The following RTKN variants were observed in gnomAD, a reference collection of about 807,000 sequenced individuals.
The protein encoded by RTKN is rhotekin.
A neutral mutation model predicts 63.5 loss-of-function variants in RTKN; 49 were observed. The observed-to-expected ratio is 0.77, with a 90% confidence interval of 0.61 to 0.98. The LOEUF is 0.98. Ranked by LOEUF, RTKN falls within the 50% of genes least tolerant of loss-of-function variation. The pLI, the probability that RTKN is intolerant of heterozygous loss-of-function variation, is 0.00. For missense variants in RTKN, 685 were observed against 740.8 expected, an observed-to-expected ratio of 0.92 and a Z score of 0.87; for synonymous variants, 295 against 290.4, an observed-to-expected ratio of 1.02 and a Z score of -0.16.
At chr2:74,441,679 G>T (rs954708349) in intron 1 of RTKN, 27 bp downstream of exon 1, 3 of 1,561,460 alleles carry the variant, frequency 1.9e-6, no homozygotes, top group Admixed American at 1.8e-5. Context: ...GCCGCGGAAG[G>T]GGAAGGCAGG....
In RTKN at chr2:74,430,320, G is replaced by T. The variant is rs1274128167; in HGVS notation, c.477C>A (p.Ile159=). The change falls in exon 5 of 12, where the codon ATC becomes ATA. Residue 159 remains isoleucine (I), a synonymous_variant. Transcript: ENST00000272430. ...VFLLLQLGEH[I]QDTEMILVDR... is the part of the protein sequence containing the mutation. ...CCACTAGGATCATCTCTGTGTCCTG[G>T]ATGTGTTCCCCCAGCTGCAGCAGCA... 6 of 1,614,108 alleles carry T rather than the reference G, an allele frequency of 3.7e-6. No individual in the cohort carries two copies. In the East Asian group the frequency reaches 1.3e-4, roughly 36 times the overall value.
intron 1 of RTKN, among the ~76,000 whole-genome samples, chr2:74,438,474 G>A (rs1671175264): frequency 6.6e-6 from 1 of 152,048 alleles, no homozygotes; most frequent in Non-Finnish European, 1.5e-5. Flanking sequence ...CTTCCCACCA[G>A]CCTATTCTCC....
At chr2:74,432,301 C>T (rs929742830) in intron 2 of RTKN, 166 bp downstream of exon 2, 3 of 764,022 alleles carry the variant, frequency 3.9e-6, no homozygotes, top group Non-Finnish European at 4.6e-6. Context: ...CGCCTCTGGG[C>T]AACACACAGT....
At position 74,437,970 on chromosome 2, in the gene RTKN, A is replaced by G. The variant is rs116034626; in HGVS notation, c.111+3736T>C. On this transcript the variant is annotated intron_variant, in intron 1 of 11. Transcript: ENST00000272430. Reference sequence around the variant, plus strand: ...CACAGTTTATGCCAAGACGGTCCTGAGAAAGATTCTGAGGCCAGGTCTGGG... The same window carrying G: ...CACAGTTTATGCCAAGACGGTCCTGGGAAAGATTCTGAGGCCAGGTCTGGG... Among the ~76,000 whole-genome samples the G allele has an allele frequency of 7.4e-3, 1,132 of 152,346 alleles. 10 individuals carry two copies. The highest frequency in any genetic ancestry group is 0.01 in the Middle Eastern group (3 of 294).
intron 1 of RTKN, among the ~76,000 whole-genome samples, chr2:74,434,891 C>T (rs1670970635): frequency 6.6e-6 from 1 of 152,178 alleles, no homozygotes; most frequent in Non-Finnish European, 1.5e-5. Context: ...TTCTGAGGTA[C>T]ACCCAGGTTG....
rs144677639 is a variant in RTKN at position 74,435,356 on chromosome 2, G to A, written c.112-2690C>T. 1.9e-3 allele frequency among the ~76,000 whole-genome samples: 297 copies of A among 152,334 alleles called. 1 individual carries two copies. Among genetic ancestry groups the A allele is most frequent in the African/African-American group, 6.9e-3 (287 of 41,572 alleles). ...GGGCTGTGAGAATTCTGTGAGGCAG[G>A]AACTTAAAGCACTTAGCACAGTGCC... On this transcript the variant is annotated intron_variant, in intron 1 of 11. Transcript: ENST00000272430.
At chr2:74,432,946 TA>T (rs1198421873) in intron 1 of RTKN, among the ~76,000 whole-genome samples, 1 of 151,806 alleles carries the variant, frequency 6.6e-6, no homozygotes, top group African/African-American at 2.4e-5. Context: ...ACCCCACCTC[TA>T]AAAAAATATA....
At chr2:74,431,019 C>G in intron 2 of RTKN, 1 of 291,452 alleles carries the variant, frequency 3.4e-6, no homozygotes, top group Non-Finnish European at 6.4e-6. Context: ...ACTTCATTTC[C>G]AGGGCTCTCC....
intron 2 of RTKN, among the ~76,000 whole-genome samples, chr2:74,431,558 CTT>C (rs1670753856): frequency 6.6e-6 from 1 of 152,226 alleles, no homozygotes; most frequent in Non-Finnish European, 1.5e-5. Context: ...TGTGTGAGGA[CTT>C]TGGCAGGACA....
intron 5 of RTKN, 86 bp downstream of exon 5, chr2:74,430,166 C>T: frequency 1.3e-6 from 2 of 1,518,018 alleles, no homozygotes; most frequent in Non-Finnish European, 1.8e-6. Context: ...CACCCTGCCC[C>T]CATCCCAGCT....
intron 8 of RTKN, 108 bp from the exon 9 acceptor site, chr2:74,428,504 C>T: frequency 6.3e-7 from 1 of 1,586,916 alleles, no homozygotes; most frequent in Non-Finnish European, 8.6e-7. Flanking sequence ...GTCCATTCCT[C>T]CCCTCGTCTG....
In RTKN at chr2:74,427,556, G is replaced by A. The variant is rs754600529; in HGVS notation, c.1123C>T (p.Leu375=). The change falls in exon 10 of 12, where the codon CTA becomes TTA. Residue 375 remains leucine (L), a synonymous_variant. Transcript: ENST00000272430. The part of the protein sequence containing the change: ...RVRAGELDQA[L]GRPFTLSISN... ...ATGCTTAGGGTGAAGGGCCGTCCTAGAGCCTGGTCCAGCTCCCCTGCCCGG... is the reference window on the plus strand; with the variant it reads ...ATGCTTAGGGTGAAGGGCCGTCCTAAAGCCTGGTCCAGCTCCCCTGCCCGG... 8 of 1,613,550 alleles carry A rather than the reference G, an allele frequency of 5.0e-6. No homozygotes were observed. The highest frequency in any genetic ancestry group is 5.9e-6 in the Non-Finnish European group (7 of 1,180,036).
Position 74,426,341 on chromosome 2 carries a change from C to T in RTKN, c.1594G>A (p.Ala532Thr). 6.2e-7 allele frequency: 1 copy of T among 1,613,036 alleles called. No homozygotes were observed. Among genetic ancestry groups the T allele is most frequent in the Non-Finnish European group, 8.5e-7 (1 of 1,179,396 alleles). ...GGTGGGAGGGGGGCAACCGAGCGAG[C>T]CCTAGGGGAGTGGTCTGGGGGGACA... Reference protein sequence around the residue: ...DAVPPDHSPRARSVAPLPPQR... With the variant: ...DAVPPDHSPRTRSVAPLPPQR... The change falls in exon 12 of 12, where the codon GCT becomes ACT. Residue 532 changes from alanine to threonine, a missense_variant. Transcript: ENST00000272430.
chr2:74,431,705 T>C (rs755847952), intron 2 of RTKN: 1 of 152,588 alleles, frequency 6.6e-6, no homozygotes, highest in Non-Finnish European at 1.5e-5. Context: ...CAACCTCCTC[T>C]TGTGTCAGCC....
intron 2 of RTKN, among the ~76,000 whole-genome samples, chr2:74,431,285 T>C (rs1039700362): frequency 6.6e-6 from 1 of 152,076 alleles, no homozygotes; most frequent in Non-Finnish European, 1.5e-5. Flanking sequence ...TGATATGGTG[T>C]ACCCTACTAG....
rs1364654687 is a variant in RTKN, at chr2:74,429,980, T to C, written c.603A>G (p.Glu201=). ...GGCCGCCAGTCAGGGCCCCCTCTTC[T>C]TCCACACAGGCCCCATACAGCTCTA... is the stretch of plus-strand genomic sequence containing the variant. The part of the protein sequence containing the change: ...LRLELYGACV[E]EEGALTGGPK... The change falls in exon 6 of 12, where the codon GAA becomes GAG. Residue 201 remains glutamate (E), a synonymous_variant. Transcript: ENST00000272430. 5 of 1,614,182 alleles carry C rather than the reference T, an allele frequency of 3.1e-6. No individual in the cohort carries two copies. Among genetic ancestry groups the C allele is most frequent in the African/African-American group, 2.7e-5 (2 of 75,050 alleles).
Position 74,441,766 on chromosome 2 carries a change from G to A in RTKN, c.51C>T (p.Ala17=). 1 of 1,612,238 alleles carries A rather than the reference G, an allele frequency of 6.2e-7. No homozygotes were observed. Among genetic ancestry groups the A allele is most frequent in the African/African-American group, 1.3e-5 (1 of 75,046 alleles). The part of the protein sequence containing the change: ...RSRVTVARGS[A]LEMEFKRGRF... Reference sequence around the variant, plus strand: ...GGCCGCGTTTGAACTCCATCTCCAGGGCGGAGCCCCTGGCCACGGTGACCC... The same window carrying A: ...GGCCGCGTTTGAACTCCATCTCCAGAGCGGAGCCCCTGGCCACGGTGACCC... Residue 17 remains alanine (A), a synonymous_variant, in exon 1 of 12, where the codon GCC becomes GCT. Transcript: ENST00000272430.
intron 6 of RTKN, among the ~76,000 whole-genome samples, chr2:74,429,193 G>A (rs147679121): frequency 1.3e-5 from 2 of 152,296 alleles, no homozygotes; most frequent in Non-Finnish European, 2.9e-5. Context: ...AGATGAGGCA[G>A]CTTGAGGCTT....
intron 1 of RTKN, among the ~76,000 whole-genome samples, chr2:74,434,693 G>T (rs947569381): frequency 6.6e-6 from 1 of 152,228 alleles, no homozygotes; most frequent in African/African-American, 2.4e-5. Flanking sequence ...GGGATTACAG[G>T]CTTGAGCCAC....
Sources: gnomAD v4.1 joint callset for allele counts (sites outside exome capture counted in the v4.1 genomes callset) on GRCh38, gnomAD v4.1.1 for gene constraint, MANE v1.5 for transcripts, NCBI Gene and HGNC (gene_info 2026-07-23, HGNC 2026-07-21) for gene names.